The following CSMD3 variants were observed in gnomAD, a reference collection of about 807,000 sequenced individuals.
CSMD3 encodes CUB and Sushi multiple domains 3.
A neutral mutation model predicts 435.2 loss-of-function variants in CSMD3; 177 were observed. The ratio of observed to expected loss-of-function variants is 0.41; its 90% confidence interval spans 0.36 to 0.46. CSMD3 has a LOEUF of 0.46. CSMD3 is among the 20% of genes least tolerant of loss of function. The pLI is 0.34. For synonymous variants in CSMD3, 1,656 were observed against 1,520.5 expected (o/e 1.09, Z -2.07); for missense variants, 4,265 against 4,504.6 (o/e 0.95, Z 1.52).
rs1252941039 is a variant in CSMD3, at chr8:112,749,746, T to C, written c.1972+50416A>G. The stretch of plus-strand genomic sequence containing the variant: ...CAGTGGTTTTATTTATGAAGTTTTA[T>C]GCTCCCTTGGTTTGATCCAAATATG... On this transcript the variant is annotated intron_variant, in intron 13 of 70. Transcript: ENST00000297405. Among the ~76,000 whole-genome samples the C allele has an allele frequency of 2.0e-5, 3 of 152,132 alleles. No homozygotes were observed. In the East Asian group the frequency reaches 5.8e-4, roughly 29 times the overall value.
chr8:112,561,511 C>T (rs1828621511), intron 24 of CSMD3, among the ~76,000 whole-genome samples: 1 of 151,624 alleles, frequency 6.6e-6, no homozygotes, highest in Non-Finnish European at 1.5e-5. Flanking sequence ...ACCACTAGCT[C>T]TATCAGATTC....
chr8:112,830,037 A>G (rs1646689897), intron 11 of CSMD3, among the ~76,000 whole-genome samples: 1 of 152,076 alleles, frequency 6.6e-6, no homozygotes, highest in Non-Finnish European at 1.5e-5. Context: ...TACTTGCTGT[A>G]TTGTATTTTC....
intron 70 of CSMD3, 139 bp from the exon 71 acceptor site, chr8:112,225,069 A>G: frequency 1.2e-6 from 1 of 833,080 alleles, no homozygotes; most frequent in Non-Finnish European, 2.0e-6. Context: ...CACTAAGTCA[A>G]CTTGAACAAT....
At chr8:113,024,446 A>C (rs1358986273) in intron 5 of CSMD3, among the ~76,000 whole-genome samples, 1 of 152,140 alleles carries the variant, frequency 6.6e-6, no homozygotes, top group South Asian at 2.1e-4. Flanking sequence ...CAACCTATTA[A>C]CTTCACCTCT....
chr8:113,123,867 T>C (rs1182361701), intron 4 of CSMD3, among the ~76,000 whole-genome samples: 1 of 151,978 alleles, frequency 6.6e-6, no homozygotes, highest in Non-Finnish European at 1.5e-5. Context: ...CAACTATATA[T>C]AAAATATCTG....
In CSMD3 at chr8:113,084,767, G is replaced by A. The variant is rs73336002; in HGVS notation, c.917+13989C>T. 8.3e-3 allele frequency among the ~76,000 whole-genome samples: 1,268 copies of A among 151,864 alleles called. 31 individuals are homozygous for A. Among genetic ancestry groups the A allele is most frequent in the African/African-American group, 0.029 (1,198 of 41,488 alleles). On this transcript the variant is annotated intron_variant, in intron 5 of 70. Coordinates refer to ENST00000297405, the MANE Select transcript of CSMD3 (RefSeq NM_198123.2). ...ATGGCATTGGTATGAAAGCAGATAC[G>A]TAGATCAATAAAACATAATAGAGAA... is the stretch of plus-strand genomic sequence containing the variant.
intron 6 of CSMD3, among the ~76,000 whole-genome samples, chr8:113,001,155 G>T (rs1407933261): frequency 1.3e-5 from 2 of 151,878 alleles, no homozygotes; most frequent in East Asian, 1.9e-4. Flanking sequence ...GCAACACAAC[G>T]CTGTTTCCTA....
chr8:113,057,296 G>T (rs2088385636), intron 5 of CSMD3, among the ~76,000 whole-genome samples: 1 of 152,084 alleles, frequency 6.6e-6, no homozygotes, highest in South Asian at 2.1e-4. Context: ...CAGAGACCTT[G>T]CTTATATTAT....
At chr8:112,407,617 T>C (rs961136525) in intron 34 of CSMD3, among the ~76,000 whole-genome samples, 2 of 152,036 alleles carry the variant, frequency 1.3e-5, no homozygotes, top group Admixed American at 1.3e-4. Flanking sequence ...TACAGGATTA[T>C]AGTCAACTGA....
At chr8:112,293,773 C>T (rs1041736959) in intron 54 of CSMD3, among the ~76,000 whole-genome samples, 1 of 152,054 alleles carries the variant, frequency 6.6e-6, no homozygotes. Context: ...AATAGTGCTT[C>T]CTAATTGGGC....
At chr8:113,229,458 A>T (rs2093061467) in intron 3 of CSMD3, among the ~76,000 whole-genome samples, 1 of 151,366 alleles carries the variant, frequency 6.6e-6, no homozygotes, top group Non-Finnish European at 1.5e-5. Flanking sequence ...ACTTTAAAAA[A>T]CTTAAGTCTC....
At chr8:113,059,972 C>T (rs1344567406) in intron 5 of CSMD3, among the ~76,000 whole-genome samples, 3 of 143,130 alleles carry the variant, frequency 2.1e-5, no homozygotes, top group East Asian at 2.2e-4. Flanking sequence ...GACTTTAGGG[C>T]CTTGTTTTAT....
intron 35 of CSMD3, among the ~76,000 whole-genome samples, chr8:112,405,177 C>G (rs1242319379): frequency 1.6e-4 from 10 of 61,088 alleles, no homozygotes; most frequent in Non-Finnish European, 2.6e-4. Context: ...CAGCAAGACT[C>G]TCTCTCAAAA....
chr8:112,553,275 T>G (rs1302947999), intron 25 of CSMD3, among the ~76,000 whole-genome samples: 2 of 152,074 alleles, frequency 1.3e-5, no homozygotes, highest in Non-Finnish European at 2.9e-5. Flanking sequence ...AGGTTTTGAT[T>G]TAATGTGGTC....
chr8:112,253,509 T>G (rs1815470786), intron 63 of CSMD3, among the ~76,000 whole-genome samples: 1 of 152,008 alleles, frequency 6.6e-6, no homozygotes, highest in Admixed American at 6.6e-5. Context: ...CACGCTGAAT[T>G]TCACACAGAA....
At chr8:112,331,426 CAG>C (rs1563799658) in intron 45 of CSMD3, among the ~76,000 whole-genome samples, 1 of 151,902 alleles carries the variant, frequency 6.6e-6, no homozygotes. Flanking sequence ...TTTTTCATTG[CAG>C]AGAGCTTTCA....
intron 61 of CSMD3, among the ~76,000 whole-genome samples, chr8:112,258,683 T>G (rs1816053764): frequency 6.6e-6 from 1 of 152,204 alleles, no homozygotes; most frequent in Admixed American, 6.5e-5. Flanking sequence ...TTGGTGGGAA[T>G]GTAAATTAGT....
intron 10 of CSMD3, among the ~76,000 whole-genome samples, chr8:112,921,345 G>A (rs1367473774): frequency 6.6e-6 from 1 of 151,672 alleles, no homozygotes; most frequent in African/African-American, 2.4e-5. Flanking sequence ...ATACAGACAG[G>A]GTAATTGTGA....
At chr8:112,554,933 C>T (rs940933529) in intron 25 of CSMD3, among the ~76,000 whole-genome samples, 3 of 151,858 alleles carry the variant, frequency 2.0e-5, no homozygotes, top group Non-Finnish European at 4.4e-5. Flanking sequence ...TGAGCACAGG[C>T]TATTATAATC....
Sources: allele counts gnomAD v4.1 joint callset (sites outside exome capture counted in the v4.1 genomes callset), GRCh38; gene constraint gnomAD v4.1.1; transcripts MANE v1.5; gene names NCBI Gene and HGNC (gene_info 2026-07-23, HGNC 2026-07-21).